Variants in SOS2 observed in about 807,000 individuals in gnomAD.
SOS2 encodes son of sevenless homolog 2.
Under a neutral mutation model 148.2 loss-of-function variants are expected in SOS2, and 65 were observed. The observed-to-expected ratio is 0.44, with a 90% CI of 0.36 to 0.54. The LOEUF is 0.54. SOS2 is among the 20% of genes least tolerant of loss of function. The pLI is 0.00. For synonymous variants in SOS2, 539 were observed against 537.1 expected, an observed-to-expected ratio of 1.00 and a Z score of -0.05; for missense variants, 1,341 against 1,590.2, an observed-to-expected ratio of 0.84 and a Z score of 2.67.
At chr14:50,211,611 A>C (rs979974555) in intron 1 of SOS2, among the ~76,000 whole-genome samples, 1 of 147,514 alleles carries the variant, frequency 6.8e-6, no homozygotes, top group Non-Finnish European at 1.5e-5. Flanking sequence ...TTTTTTAATT[A>C]ATTATTATTA....
In SOS2 at chr14:50,157,064, G is replaced by C; in HGVS notation, c.1992C>G (p.Gly664=). 1 of 1,612,344 alleles carries C rather than the reference G, an allele frequency of 6.2e-7. No individual in the cohort carries two copies. The highest frequency in any genetic ancestry group is 1.7e-5 in the Admixed American group (1 of 59,942). ...TDADKLAIEK[G]EQPISADLKR... is the part of the protein sequence containing the mutation. ...TAAGGTCTGCACTGATTGGCTGCTC[G>C]CCTTTCTCTATTGCCAATTTGTCTG... is the stretch of plus-strand genomic sequence containing the variant. Residue 664 remains glycine, a synonymous_variant, in exon 12 of 23, where the codon GGC becomes GGG. Coordinates refer to ENST00000216373, the MANE Select transcript of SOS2 (RefSeq NM_006939.4).
At chr14:50,199,249 A>C (rs887933313) in intron 4 of SOS2, among the ~76,000 whole-genome samples, 15 of 152,222 alleles carry the variant, frequency 9.9e-5, no homozygotes, top group Non-Finnish European at 1.9e-4. Context: ...CCAGGAAAGA[A>C]GACAGATATA....
intron 13 of SOS2, 90 bp downstream of exon 13, chr14:50,152,980 A>T: frequency 3.1e-6 from 2 of 636,484 alleles, no homozygotes; most frequent in Non-Finnish European, 5.5e-6. Context: ...AAAAAAAGAG[A>T]GAGAAATGTT....
intron 21 of SOS2, among the ~76,000 whole-genome samples, chr14:50,128,435 CAAACAAACAAAT>C (rs1223186067): frequency 1.4e-5 from 2 of 142,048 alleles, no homozygotes; most frequent in Non-Finnish European, 3.1e-5. Context: ...CAAACCTAAA[CAAACAAACAAAT>C]CTAAACATTA....
intron 16 of SOS2, among the ~76,000 whole-genome samples, chr14:50,142,452 AT>A (rs764801779): frequency 1.3e-5 from 2 of 152,234 alleles, no homozygotes; most frequent in Non-Finnish European, 2.9e-5. Flanking sequence ...ACTAAAAAAA[AT>A]AAATAAATAA....
intron 1 of SOS2, 72 bp from the exon 2 acceptor site, chr14:50,204,481 A>T: frequency 1.1e-6 from 1 of 903,228 alleles, no homozygotes; most frequent in East Asian, 2.7e-5. Context: ...AGAGAATCTT[A>T]TATATAATAT....
At chr14:50,227,615 T>C (rs1887418771) in intron 1 of SOS2, among the ~76,000 whole-genome samples, 2 of 152,090 alleles carry the variant, frequency 1.3e-5, no homozygotes, top group Non-Finnish European at 2.9e-5. Context: ...TTAGTAGAGA[T>C]GGGGTTTCAC....
intron 18 of SOS2, among the ~76,000 whole-genome samples, chr14:50,135,952 C>T (rs138988010): frequency 6.6e-5 from 10 of 151,810 alleles, no homozygotes; most frequent in African/African-American, 2.4e-4. Flanking sequence ...CTGGATTTAG[C>T]TTTATTTAAT....
intron 4 of SOS2, 136 bp downstream of exon 4, chr14:50,199,555 G>C: frequency 2.1e-6 from 1 of 469,458 alleles, no homozygotes. Flanking sequence ...CGGTTACTCT[G>C]TAAAGCCAGG....
chr14:50,179,769 T>A (rs1388750923), intron 7 of SOS2, among the ~76,000 whole-genome samples: 2 of 152,208 alleles, frequency 1.3e-5, no homozygotes, highest in African/African-American at 4.8e-5. Context: ...TAAAATTTTA[T>A]TTGTATCTCT....
rs771210637 is a variant in SOS2, at chr14:50,150,014, A to T, written c.2378T>A (p.Leu793His). The T allele has an allele frequency of 8.2e-6, 13 of 1,592,624 alleles. No homozygotes were observed. The highest frequency in any genetic ancestry group is 1.1e-5 in the Non-Finnish European group (13 of 1,160,464). Residue 793 changes from leucine (L) to histidine (H), a missense_variant, in exon 14 of 23, where the codon CTT becomes CAT. Physicochemically the swap from Leu to His is moderately conservative, Grantham distance 99 (BLOSUM62 -3). This residue lies in a region of SOS2 where 408 missense variants were observed against 506.6 expected (regional missense o/e 0.81). Transcript: ENST00000216373. ...ARQLTLLESD[L>H]YRKVQPSELV... ...ATTAACATTAATTGTCTACCTGTAA[A>T]GATCAGACTCCAAAAGTGTCAGCTG...
chr14:50,192,765 G>A (rs937003785), intron 4 of SOS2, among the ~76,000 whole-genome samples: 1 of 152,118 alleles, frequency 6.6e-6, no homozygotes, highest in African/African-American at 2.4e-5. Context: ...TCAGAAGGCT[G>A]AGGCAGGAGA....
At chr14:50,181,794 TTATA>T (rs1198619522) in intron 6 of SOS2, among the ~76,000 whole-genome samples, 1 of 152,078 alleles carries the variant, frequency 6.6e-6, no homozygotes, top group East Asian at 1.9e-4. Context: ...TTCATCTAAT[TTATA>T]TATCTATTTT....
intron 1 of SOS2, among the ~76,000 whole-genome samples, chr14:50,226,941 C>G (rs911307119): frequency 5.3e-5 from 8 of 152,162 alleles, no homozygotes; most frequent in Admixed American, 2.6e-4. Context: ...ACACCATGCT[C>G]TTTTTTCCCC....
intron 1 of SOS2, among the ~76,000 whole-genome samples, chr14:50,217,933 C>T (rs1199232353): frequency 2.0e-5 from 3 of 151,348 alleles, no homozygotes; most frequent in Non-Finnish European, 4.4e-5. Flanking sequence ...CCAGCCTGGG[C>T]GACAGAGCGA....
chr14:50,130,662 A>G lies in SOS2; in HGVS notation c.3176T>C (p.Leu1059Ser). ...GCTTATTTTACATGGTTCTCTTTCT[A>G]ATGGTGTTGGGTGACCTCGTAAAGT... ...SGTLRGHPTP[L>S]EREPCKISFS... The change falls in exon 20 of 23, where the codon TTA becomes TCA. Residue 1059 changes from leucine to serine, a missense_variant. Leu to Ser is a moderately radical substitution (Grantham distance 145). Around this residue, in one of 4 missense-constraint regions of SOS2, gnomAD observed 354 missense variants for 347.7 expected, o/e 1.02. Transcript: ENST00000216373. The G allele has an allele frequency of 1.2e-6, 2 of 1,614,056 alleles. No individual in the cohort carries two copies. The highest frequency in any genetic ancestry group is 2.2e-5 in the South Asian group (2 of 91,084).
chr14:50,226,348 A>G (rs1199817434), intron 1 of SOS2, among the ~76,000 whole-genome samples: 2 of 152,190 alleles, frequency 1.3e-5, no homozygotes, highest in Admixed American at 1.3e-4. Flanking sequence ...TATCAATGAC[A>G]CCAGTTATAT....
chr14:50,127,107 T>TCTTAG (rs2139499253), intron 21 of SOS2, among the ~76,000 whole-genome samples: 1 of 151,934 alleles, frequency 6.6e-6, no homozygotes, highest in South Asian at 2.1e-4. Flanking sequence ...TAGAGACGTT[T>TCTTAG]CTTAGCTTCC....
intron 4 of SOS2, among the ~76,000 whole-genome samples, chr14:50,195,307 C>T (rs532105254): frequency 2.0e-4 from 30 of 152,114 alleles, no homozygotes; most frequent in African/African-American, 6.7e-4. Flanking sequence ...TTGGTCAGAC[C>T]AAATCTGGAC....
Sources: allele counts gnomAD v4.1 joint callset (sites outside exome capture counted in the v4.1 genomes callset), GRCh38; gene constraint gnomAD v4.1.1; regional missense constraint gnomAD v4.1.1; transcripts MANE v1.5; gene names NCBI Gene and HGNC (gene_info 2026-07-23, HGNC 2026-07-21).